The following CACNA2D3 variants were observed in gnomAD, a reference collection of about 807,000 sequenced individuals.
CACNA2D3 encodes the protein voltage-dependent calcium channel subunit alpha-2/delta-3.
Under a neutral mutation model 160.6 loss-of-function variants are expected in CACNA2D3, and 60 were observed. The ratio of observed to expected loss-of-function variants is 0.37; its 90% CI spans 0.30 to 0.46. CACNA2D3 has a LOEUF of 0.46. Among genes scored for constraint, CACNA2D3 ranks in the 20% least tolerant of loss-of-function variants. The pLI is 1.00. For missense variants in CACNA2D3, 1,205 were observed against 1,365.0 expected, an observed-to-expected ratio of 0.88 and a Z score of 1.85; for synonymous variants, 558 against 492.9, an observed-to-expected ratio of 1.13 and a Z score of -1.75.
At chr3:54,713,637 C>T (rs984803334) in intron 11 of CACNA2D3, among the ~76,000 whole-genome samples, 2 of 152,150 alleles carry the variant, frequency 1.3e-5, no homozygotes, top group African/African-American at 4.8e-5. Context: ...GAGATGAGGT[C>T]TGGAAAGTTC....
At chr3:54,140,020 A>G (rs1035248597) in intron 2 of CACNA2D3, among the ~76,000 whole-genome samples, 1 of 152,192 alleles carries the variant, frequency 6.6e-6, no homozygotes. Context: ...CAGCTTCTCT[A>G]CTTCCCATTT....
intron 17 of CACNA2D3, among the ~76,000 whole-genome samples, chr3:54,853,786 A>G (rs78536652): frequency 3.4e-4 from 52 of 152,124 alleles, no homozygotes; most frequent in African/African-American, 1.2e-3. Context: ...GATACTCTAC[A>G]GTCTCCCCAG....
chr3:54,457,910 G>A (rs888681173), intron 4 of CACNA2D3, among the ~76,000 whole-genome samples: 1 of 151,814 alleles, frequency 6.6e-6, no homozygotes, highest in East Asian at 1.9e-4. Context: ...TCCTGCTCAC[G>A]TTTAGTTTCT....
At chr3:55,034,230 G>A (rs1703765085) in intron 35 of CACNA2D3, among the ~76,000 whole-genome samples, 1 of 151,784 alleles carries the variant, frequency 6.6e-6, no homozygotes, top group South Asian at 2.1e-4. Flanking sequence ...GAAATGTTCT[G>A]CTCTTTTTCA....
chr3:54,574,893 C>G (rs1243062493), intron 8 of CACNA2D3, among the ~76,000 whole-genome samples: 2 of 152,252 alleles, frequency 1.3e-5, no homozygotes, highest in Non-Finnish European at 1.5e-5. Context: ...TTAGTTCAAG[C>G]AAGAACTTTC....
At chr3:54,989,275 T>C (rs1702685395) in intron 31 of CACNA2D3, among the ~76,000 whole-genome samples, 1 of 152,198 alleles carries the variant, frequency 6.6e-6, no homozygotes, top group South Asian at 2.1e-4. Flanking sequence ...TCAAACTGTT[T>C]GGTGGGAGAA....
chr3:54,752,721 C>T, intron 12 of CACNA2D3, 44 bp downstream of exon 12: 1 of 1,354,726 alleles, frequency 7.4e-7, no homozygotes, highest in Non-Finnish European at 1.0e-6. Context: ...CTTCCACCTA[C>T]TTGTGCAGAA....
intron 11 of CACNA2D3, among the ~76,000 whole-genome samples, chr3:54,677,619 TTGG>T (rs747516328): frequency 2.3e-5 from 3 of 131,592 alleles, no homozygotes; most frequent in South Asian, 2.9e-4. Flanking sequence ...TGTTTTTTTT[TTGG>T]GGGGGGGGCA....
At chr3:54,176,342 C>T (rs998151928) in intron 2 of CACNA2D3, among the ~76,000 whole-genome samples, 2 of 152,232 alleles carry the variant, frequency 1.3e-5, no homozygotes, top group South Asian at 4.1e-4. Context: ...TCCTGGACCA[C>T]AGCCATGAAT....
chr3:54,615,649 TATG>T (rs1177491170), intron 9 of CACNA2D3, among the ~76,000 whole-genome samples: 10 of 152,222 alleles, frequency 6.6e-5, no homozygotes, highest in Admixed American at 1.3e-4. Context: ...GATGAAATAA[TATG>T]ATATCTGGGA....
intron 2 of CACNA2D3, among the ~76,000 whole-genome samples, chr3:54,124,307 A>C (rs1699543004): frequency 6.6e-6 from 1 of 152,176 alleles, no homozygotes; most frequent in African/African-American, 2.4e-5. Context: ...TTTAAGCATA[A>C]GCTTAAAATT....
At chr3:54,432,820 G>A (rs1700009010) in intron 4 of CACNA2D3, among the ~76,000 whole-genome samples, 1 of 151,962 alleles carries the variant, frequency 6.6e-6, no homozygotes, top group African/African-American at 2.4e-5. Context: ...TGGCACTTTG[G>A]TCAGTTTCCC....
intron 14 of CACNA2D3, among the ~76,000 whole-genome samples, chr3:54,836,895 C>T (rs768643078): frequency 2.6e-5 from 4 of 152,228 alleles, no homozygotes; most frequent in Non-Finnish European, 5.9e-5. Context: ...ACAAGGTTCT[C>T]TTTGAACCAA....
rs530122754 is a variant in CACNA2D3 at position 54,437,595 on chromosome 3, G to A, written c.381+50821G>A. ...CCTTCAGCCAAGGGGTGCCGATATTGCCAGTCACTCCTCCTAGACCTCAAG... is the reference window on the plus strand; with the variant it reads ...CCTTCAGCCAAGGGGTGCCGATATTACCAGTCACTCCTCCTAGACCTCAAG... On this transcript the variant is annotated intron_variant, in intron 4 of 37. Transcript: ENST00000474759. Among the ~76,000 whole-genome samples the A allele has an allele frequency of 5.9e-5, 9 of 152,296 alleles. No homozygotes were observed. The South Asian group carries it at 1.7e-3, about 28-fold the overall frequency.
At chr3:54,891,925 A>T (rs990661787) in intron 25 of CACNA2D3, among the ~76,000 whole-genome samples, 5 of 152,150 alleles carry the variant, frequency 3.3e-5, no homozygotes, top group Non-Finnish European at 7.3e-5. Context: ...GGGGCTGCAG[A>T]GCTCCACACC....
intron 2 of CACNA2D3, among the ~76,000 whole-genome samples, chr3:54,252,474 G>A (rs1702212267): frequency 6.6e-6 from 1 of 152,116 alleles, no homozygotes; most frequent in African/African-American, 2.4e-5. Flanking sequence ...CTTTGTTTTA[G>A]AAGTGTTTTA....
chr3:54,996,834 A>G (rs1410836735), intron 31 of CACNA2D3, among the ~76,000 whole-genome samples: 2 of 152,206 alleles, frequency 1.3e-5, no homozygotes, highest in African/African-American at 2.4e-5. Flanking sequence ...ATGGAATACT[A>G]TGCAGCCATA....
chr3:54,714,751 G>A (rs1425494641), intron 11 of CACNA2D3, among the ~76,000 whole-genome samples: 6 of 152,152 alleles, frequency 3.9e-5, no homozygotes, highest in Admixed American at 2.0e-4. Context: ...AAATGAAATC[G>A]ATAGCAAAGA....
chr3:54,329,048 C>T (rs1356168370), intron 3 of CACNA2D3, among the ~76,000 whole-genome samples: 1 of 152,186 alleles, frequency 6.6e-6, no homozygotes, highest in African/African-American at 2.4e-5. Context: ...GTCCTGTTCC[C>T]AGATGGCTCG....
Sources: gnomAD v4.1 joint callset for allele counts (sites outside exome capture counted in the v4.1 genomes callset) on GRCh38, gnomAD v4.1.1 for gene constraint, MANE v1.5 for transcripts, NCBI Gene and HGNC (gene_info 2026-07-23, HGNC 2026-07-21) for gene names.